CCDC88A: variants seen among roughly 807,000 people sequenced by gnomAD.
CCDC88A encodes coiled-coil and HOOK domain protein 88A, also known as girdin.
CCDC88A carries 54 observed loss-of-function variants against 234.3 expected under a neutral mutation model. That is an observed-to-expected ratio of 0.23 (90% confidence interval 0.19 to 0.29). The LOEUF is 0.29. Among genes scored for constraint, CCDC88A ranks in the 10% least tolerant of loss-of-function variants. The pLI, the probability that CCDC88A is intolerant of heterozygous loss-of-function variation, is 1.00. For missense variants in CCDC88A, 1,832 were observed against 2,123.4 expected (o/e 0.86, Z 2.70); for synonymous variants, 753 against 737.8 (o/e 1.02, Z -0.33).
At position 55,419,153 on chromosome 2, in the gene CCDC88A, G is replaced by A. The variant is rs968331781; in HGVS notation, c.-74C>T. The A allele has an allele frequency of 2.1e-4, 188 of 889,088 alleles. No homozygotes were observed. Among genetic ancestry groups the A allele is most frequent in the Non-Finnish European group, 2.8e-4 (150 of 542,498 alleles). 55.1% of individuals were successfully genotyped at this position (889,088 alleles called of 1,614,324 possible). On this transcript the variant is annotated 5_prime_UTR_variant, in exon 1 of 33. Transcript: ENST00000436346. Reference sequence around the variant, plus strand: ...AGGGAATTGGTCACTAAACGTGGAAGTAAGTAGAAATCAATGAAAGTCCAT... The same window carrying A: ...AGGGAATTGGTCACTAAACGTGGAAATAAGTAGAAATCAATGAAAGTCCAT...
chr2:55,339,242 A>C (rs1668170841), intron 13 of CCDC88A: 1 of 436,868 alleles, frequency 2.3e-6, no homozygotes, highest in Non-Finnish European at 3.9e-6. Flanking sequence ...TACAGGCGTG[A>C]GCCCCCGCAC....
intron 3 of CCDC88A, among the ~76,000 whole-genome samples, chr2:55,387,345 T>C (rs1039928424): frequency 6.6e-6 from 1 of 152,110 alleles, no homozygotes; most frequent in African/African-American, 2.4e-5. Flanking sequence ...GTCATAGCAC[T>C]ATTCCATAAA....
chr2:55,323,743 ACT>A (rs1683923394), intron 17 of CCDC88A: 1 of 152,100 alleles, frequency 6.6e-6, no homozygotes, highest in Admixed American at 6.6e-5. Flanking sequence ...ACATAGTCTC[ACT>A]CTGTCACCCA....
intron 22 of CCDC88A, chr2:55,314,999 G>A (rs919808392): frequency 6.6e-6 from 1 of 152,068 alleles, no homozygotes; most frequent in African/African-American, 2.4e-5. Flanking sequence ...AGATAGCTAG[G>A]GCCCTCTCTG....
intron 31 of CCDC88A, chr2:55,293,989 T>G (rs1478174285): frequency 1.3e-5 from 2 of 152,048 alleles, no homozygotes; most frequent in African/African-American, 4.8e-5. Flanking sequence ...GAAACATACT[T>G]GTTTAAATGG....
At chr2:55,340,655 GA>G (rs899082103) in intron 12 of CCDC88A, among the ~76,000 whole-genome samples, 2 of 151,964 alleles carry the variant, frequency 1.3e-5, no homozygotes, top group Non-Finnish European at 2.9e-5. Context: ...AATGAATTTT[GA>G]AAATACACTA....
intron 2 of CCDC88A, among the ~76,000 whole-genome samples, chr2:55,391,363 T>A (rs201980632): frequency 1.5e-4 from 6 of 41,044 alleles, no homozygotes; most frequent in African/African-American, 2.9e-4. Context: ...CACTCCAAAA[T>A]ATAATCATTA....
intron 2 of CCDC88A, 43 bp from the exon 3 acceptor site, chr2:55,388,929 A>T (rs1436614409): frequency 4.6e-6 from 3 of 652,534 alleles, no homozygotes; most frequent in Non-Finnish European, 7.8e-6. Context: ...ATAAAATACT[A>T]CTATCAATCT....
chr2:55,418,100 A>C (rs561481537), intron 2 of CCDC88A: 1 of 152,178 alleles, frequency 6.6e-6, no homozygotes, highest in Non-Finnish European at 1.5e-5. Context: ...TCTCAAAAGC[A>C]TACTTTCCTA....
intron 2 of CCDC88A, among the ~76,000 whole-genome samples, chr2:55,413,486 G>T (rs1680835228): frequency 1.3e-5 from 2 of 152,160 alleles, no homozygotes; most frequent in African/African-American, 4.8e-5. Flanking sequence ...AGCACAGCTA[G>T]AACTGAACCC....
At chr2:55,380,388 T>C (rs145141256) in intron 3 of CCDC88A, among the ~76,000 whole-genome samples, 1 of 152,138 alleles carries the variant, frequency 6.6e-6, no homozygotes. Context: ...AAAGTTTCAC[T>C]AAATAAGTGG....
At chr2:55,341,872 A>G (rs1423158830) in intron 12 of CCDC88A, among the ~76,000 whole-genome samples, 2 of 152,196 alleles carry the variant, frequency 1.3e-5, no homozygotes, top group African/African-American at 4.8e-5. Flanking sequence ...TGCTGCAACA[A>G]GCATGGGAAT....
chr2:55,344,079 T>G, intron 11 of CCDC88A: 1 of 361,218 alleles, frequency 2.8e-6, no homozygotes, highest in Non-Finnish European at 4.9e-6. Flanking sequence ...ATGCTAAATT[T>G]TAGCAATCAG....
chr2:55,301,030 C>A (rs1395340531), intron 28 of CCDC88A, 176 bp downstream of exon 28: 2 of 547,080 alleles, frequency 3.7e-6, no homozygotes, highest in African/African-American at 2.0e-5. Flanking sequence ...AAGCAATTAT[C>A]TTAAAAGAGG....
intron 8 of CCDC88A, among the ~76,000 whole-genome samples, chr2:55,355,138 A>G (rs1670396081): frequency 6.6e-6 from 1 of 152,058 alleles, no homozygotes; most frequent in South Asian, 2.1e-4. Context: ...ATACATATAC[A>G]AAACTATTTT....
chr2:55,319,209 T>C (rs923592187), intron 18 of CCDC88A, among the ~76,000 whole-genome samples: 1 of 152,198 alleles, frequency 6.6e-6, no homozygotes, highest in African/African-American at 2.4e-5. Context: ...AAGGCAATGA[T>C]ATTAAAACTT....
chr2:55,410,749 A>G (rs1680333689), intron 2 of CCDC88A, among the ~76,000 whole-genome samples: 1 of 152,078 alleles, frequency 6.6e-6, no homozygotes, highest in African/African-American at 2.4e-5. Context: ...AAAAGAAAAG[A>G]AAAATTAGCT....
rs184319535 is a variant in CCDC88A, at chr2:55,400,795, T to C, written c.165-11909A>G. On this transcript the variant is annotated intron_variant, in intron 2 of 32. Transcript: ENST00000436346. ...TCCTCTTGGACCATCTGTTCTGTGTTGGTGCTTAACTGATGGTGGTTTTTG... is the reference window on the plus strand; with the variant it reads ...TCCTCTTGGACCATCTGTTCTGTGTCGGTGCTTAACTGATGGTGGTTTTTG... Among the ~76,000 whole-genome samples the C allele has an allele frequency of 3.3e-5, 5 of 152,364 alleles. No individual in the cohort carries two copies. In the East Asian group the frequency reaches 9.6e-4, roughly 29 times the overall value.
intron 2 of CCDC88A, among the ~76,000 whole-genome samples, chr2:55,396,241 C>A (rs1359090651): frequency 6.6e-6 from 1 of 152,118 alleles, no homozygotes; most frequent in Admixed American, 6.5e-5. Context: ...AGAACAACAC[C>A]AGTAACAAAA....
Sources: gnomAD v4.1 joint callset for allele counts (sites outside exome capture counted in the v4.1 genomes callset) on GRCh38, gnomAD v4.1.1 for gene constraint, MANE v1.5 for transcripts, NCBI Gene and HGNC (gene_info 2026-07-23, HGNC 2026-07-21) for gene names.